Variants in NRCAM observed in about 807,000 individuals in gnomAD.
The protein encoded by NRCAM is NgCAM-related cell adhesion molecule.
Under a neutral mutation model 156.5 loss-of-function variants are expected in NRCAM, and 83 were observed. The ratio of observed to expected loss-of-function variants is 0.53; its 90% CI spans 0.44 to 0.64. The LOEUF is 0.64. Ranked by LOEUF, NRCAM falls within the 30% of genes least tolerant of loss-of-function variation. The probability of loss-of-function intolerance (pLI) is 0.00; values close to 1 mark genes in which losing one functional copy is unlikely to be tolerated. For missense variants in NRCAM, 1,417 were observed against 1,597.3 expected, an observed-to-expected ratio of 0.89 and a Z score of 1.92; for synonymous variants, 538 against 563.9, an observed-to-expected ratio of 0.95 and a Z score of 0.65.
intron 2 of NRCAM, among the ~76,000 whole-genome samples, chr7:108,351,078 C>A (rs1013715106): frequency 1.4e-4 from 21 of 152,152 alleles, no homozygotes; most frequent in African/African-American, 4.6e-4. Context: ...TGTGTTGGAA[C>A]CTAATCCCCA....
chr7:108,184,837 T>C (rs1586963049), intron 20 of NRCAM, among the ~76,000 whole-genome samples: 1 of 152,176 alleles, frequency 6.6e-6, no homozygotes, highest in African/African-American at 2.4e-5. Flanking sequence ...CATCTCACTG[T>C]ATTTAATTTA....
intron 1 of NRCAM, among the ~76,000 whole-genome samples, chr7:108,402,898 G>A (rs1020517029): frequency 1.3e-5 from 2 of 152,216 alleles, no homozygotes; most frequent in South Asian, 4.1e-4. Flanking sequence ...TTTAGTTGAT[G>A]TTGGGAGTCA....
intron 2 of NRCAM, among the ~76,000 whole-genome samples, chr7:108,342,468 G>A (rs2154272724): frequency 6.6e-6 from 1 of 152,272 alleles, no homozygotes; most frequent in African/African-American, 2.4e-5. Context: ...AAATAGCTAG[G>A]CCATTATATA....
At position 108,161,391 on chromosome 7, in the gene NRCAM, ATTATT is replaced by A. The variant is rs773829287; in HGVS notation, c.3467-904_3467-900del. ...CCACAGAATAATGAGCATTTCGGGT[ATTATT>A]TTAAAGTATCAATCTTATGGGAAAA... On this transcript the variant is annotated intron_variant, in intron 30 of 32. Coordinates refer to ENST00000379028, the MANE Select transcript of NRCAM (RefSeq NM_001037132.4). Among the ~76,000 whole-genome samples the A allele has an allele frequency of 5.9e-5, 9 of 152,218 alleles. No individual in the cohort carries two copies. The East Asian group carries it at 9.6e-4, about 16-fold the overall frequency.
At chr7:108,422,015 A>G (rs991849406) in intron 1 of NRCAM, among the ~76,000 whole-genome samples, 1 of 152,220 alleles carries the variant, frequency 6.6e-6, no homozygotes, top group Non-Finnish European at 1.5e-5. Context: ...AAAATAGTCA[A>G]AACAGGTCTA....
At chr7:108,211,978 A>T (rs530515260) in intron 11 of NRCAM, among the ~76,000 whole-genome samples, 1 of 152,230 alleles carries the variant, frequency 6.6e-6, no homozygotes, top group South Asian at 2.1e-4. Context: ...AAACCTAAGA[A>T]CCCTCACAGA....
intron 3 of NRCAM, among the ~76,000 whole-genome samples, chr7:108,291,587 T>C (rs2098291893): frequency 6.6e-6 from 1 of 152,194 alleles, no homozygotes. Flanking sequence ...TATGTATGTA[T>C]ATACTTAATG....
At chr7:108,209,318 T>A in intron 12 of NRCAM, 103 bp downstream of exon 12, 1 of 784,800 alleles carries the variant, frequency 1.3e-6, no homozygotes, top group East Asian at 2.8e-5. Flanking sequence ...AATGTTGACA[T>A]AACTTTACAT....
intron 2 of NRCAM, among the ~76,000 whole-genome samples, chr7:108,358,493 G>T (rs2099524005): frequency 6.6e-6 from 1 of 151,928 alleles, no homozygotes; most frequent in South Asian, 2.1e-4. Context: ...GAGAGGTAGG[G>T]AGATGTTGGT....
chr7:108,289,110 T>C (rs538276931), intron 3 of NRCAM, among the ~76,000 whole-genome samples: 5 of 152,138 alleles, frequency 3.3e-5, no homozygotes, highest in East Asian at 1.9e-4. Context: ...AAAATAACCA[T>C]TGGAAGAGTT....
chr7:108,309,234 T>C (rs1314590329), intron 3 of NRCAM, among the ~76,000 whole-genome samples: 1 of 152,232 alleles, frequency 6.6e-6, no homozygotes, highest in African/African-American at 2.4e-5. Flanking sequence ...CTTCATGCTA[T>C]GTCACAATGA....
chr7:108,303,806 T>C (rs535246036), intron 3 of NRCAM, among the ~76,000 whole-genome samples: 1 of 152,206 alleles, frequency 6.6e-6, no homozygotes, highest in Non-Finnish European at 1.5e-5. Context: ...ATTTTCCTGA[T>C]GCCACCATGC....
chr7:108,403,861 T>C (rs1341516979), intron 1 of NRCAM, among the ~76,000 whole-genome samples: 1 of 152,214 alleles, frequency 6.6e-6, no homozygotes, highest in African/African-American at 2.4e-5. Flanking sequence ...CGGTATCCCC[T>C]TGCCAAAGTG....
chr7:108,231,042 C>T lies in NRCAM; in HGVS notation c.539G>A (p.Trp180Ter). 1 of 1,604,628 alleles carries T rather than the reference C, an allele frequency of 6.2e-7. No homozygotes were observed. Among genetic ancestry groups the T allele is most frequent in the Non-Finnish European group, 8.5e-7 (1 of 1,173,242 alleles). Residue 180 changes from tryptophan to a stop codon, truncating the protein, a stop_gained, in exon 8 of 33, where the codon TGG becomes TAG. Transcript: ENST00000379028. LOFTEE classifies it high-confidence loss of function. ...PIGLPPPIIF[W>*]MDNSFQRLPQ... The stretch of plus-strand genomic sequence containing the variant: ...TTATCAAAACTTACAATTATCCATC[C>T]AAAATATTATAGGTGGTGGTAATCC...
chr7:108,420,694 C>A (rs1034922064), intron 1 of NRCAM, among the ~76,000 whole-genome samples: 5 of 152,224 alleles, frequency 3.3e-5, no homozygotes, highest in African/African-American at 1.2e-4. Flanking sequence ...CTGATTTCCT[C>A]TGGTCCCCAT....
chr7:108,231,091 C>T lies in NRCAM; in HGVS notation c.490G>A (p.Val164Ile). 6.2e-7 allele frequency: 1 copy of T among 1,609,636 alleles called. No individual in the cohort carries two copies. The highest frequency in any genetic ancestry group is 8.5e-7 in the Non-Finnish European group (1 of 1,177,068). ...PITLQSGQSL[V>I]LPCRPPIGLP... ...CCAATTGGGGGTCTGCAGGGAAGTA[C>T]TAAAGACTGACCACTTTGAAGTGTG... Residue 164 changes from valine to isoleucine, a missense_variant, in exon 8 of 33, where the codon GTA becomes ATA. By Grantham distance (29) the Val-to-Ile change is conservative. Coordinates refer to ENST00000379028, the MANE Select transcript of NRCAM (RefSeq NM_001037132.4).
chr7:108,158,705 A>C (rs1202216574), intron 32 of NRCAM, among the ~76,000 whole-genome samples: 1 of 152,188 alleles, frequency 6.6e-6, no homozygotes, highest in Non-Finnish European at 1.5e-5. Flanking sequence ...TATTTTAAAA[A>C]GGTATACTTT....
chr7:108,199,373 C>T (rs568053941), intron 13 of NRCAM, among the ~76,000 whole-genome samples: 4 of 152,328 alleles, frequency 2.6e-5, no homozygotes, highest in East Asian at 3.9e-4. Flanking sequence ...TAGTTTTCCA[C>T]GGTTGCTGTA....
intron 1 of NRCAM, among the ~76,000 whole-genome samples, chr7:108,442,416 C>T (rs527882903): frequency 1.3e-5 from 2 of 152,260 alleles, no homozygotes; most frequent in Non-Finnish European, 2.9e-5. Flanking sequence ...TATGCTTACA[C>T]GATGACCAGA....
Sources: gnomAD v4.1 joint callset for allele counts (sites outside exome capture counted in the v4.1 genomes callset) on GRCh38, gnomAD v4.1.1 for gene constraint, MANE v1.5 for transcripts, NCBI Gene and HGNC (gene_info 2026-07-23, HGNC 2026-07-21) for gene names.